PCDHGB4: variants seen among roughly 807,000 people sequenced by gnomAD.
PCDHGB4 encodes protocadherin gamma-B4.
PCDHGB4 carries 38 observed loss-of-function variants against 60.5 expected under a neutral mutation model. That is an observed-to-expected ratio of 0.63 (90% CI 0.48 to 0.82). PCDHGB4 has a LOEUF of 0.82. Among genes scored for constraint, PCDHGB4 ranks in the 40% least tolerant of loss-of-function variants. The pLI is 0.00. For synonymous variants in PCDHGB4, 456 were observed against 509.7 expected, an observed-to-expected ratio of 0.89 and a Z score of 1.42; for missense variants, 1,109 against 1,209.6, an observed-to-expected ratio of 0.92 and a Z score of 1.23.
intron 1 of PCDHGB4, among the ~76,000 whole-genome samples, chr5:141,397,112 A>G (rs2093474994): frequency 6.6e-6 from 1 of 152,258 alleles, no homozygotes; most frequent in African/African-American, 2.4e-5. Flanking sequence ...GCAATCCACT[A>G]GAATATCCCT....
chr5:141,392,931 G>A (rs2092632355), intron 1 of PCDHGB4: 2 of 1,613,802 alleles, frequency 1.2e-6, no homozygotes, highest in Admixed American at 1.7e-5. Context: ...AGAAGAGACG[G>A]ACAAAGGCTC....
intron 1 of PCDHGB4, chr5:141,400,255 C>A (rs2093990770): frequency 4.3e-6 from 7 of 1,613,928 alleles, no homozygotes; most frequent in Non-Finnish European, 1.7e-6. Context: ...CGTTGCCTTG[C>A]GCCTGCGACG....
Position 141,418,471 on chromosome 5 carries a change from G to T in PCDHGB4, c.2397+28190G>T, listed in dbSNP as rs199547102. 57 of 1,614,002 alleles carry T rather than the reference G, an allele frequency of 3.5e-5. No homozygotes were observed. In the African/African-American group the frequency reaches 5.7e-4, roughly 16 times the overall value. ...TGCAGAAGACTCTGGACCGAGAAACGCAGAGCGCTCACCACTTGGTACTGA... is the reference window on the plus strand; with the variant it reads ...TGCAGAAGACTCTGGACCGAGAAACTCAGAGCGCTCACCACTTGGTACTGA... On this transcript the variant is annotated intron_variant, in intron 1 of 3. Coordinates refer to ENST00000519479, the MANE Select transcript of PCDHGB4 (RefSeq NM_003736.4).
Position 141,476,511 on chromosome 5 carries a change from A to G in PCDHGB4, c.2398-18296A>G, listed in dbSNP as rs1562054650. Reference sequence around the variant, plus strand: ...GTGATCCAGGACATCAACGACAACAATCCTGCTTTCCCTACCCAGGAAATG... The same window carrying G: ...GTGATCCAGGACATCAACGACAACAGTCCTGCTTTCCCTACCCAGGAAATG... On this transcript the variant is annotated intron_variant, in intron 1 of 3. Transcript: ENST00000519479. The surrounding 1 kb of genome is among the most constrained non-coding windows in gnomAD (Gnocchi z 7.6). The G allele has an allele frequency of 5.0e-6, 8 of 1,613,902 alleles. No individual in the cohort carries two copies. The highest frequency in any genetic ancestry group is 6.8e-6 in the Non-Finnish European group (8 of 1,179,960).
At chr5:141,437,312 G>T (rs2097875410) in intron 1 of PCDHGB4, among the ~76,000 whole-genome samples, 1 of 152,176 alleles carries the variant, frequency 6.6e-6, no homozygotes, top group South Asian at 2.1e-4. Context: ...AAAGCGTTCA[G>T]CTATAATTTA....
In PCDHGB4 at chr5:141,486,675, A is replaced by T; in HGVS notation, c.2398-8132A>T. On this transcript the variant is annotated intron_variant, in intron 1 of 3. Coordinates refer to ENST00000519479, the MANE Select transcript of PCDHGB4 (RefSeq NM_003736.4). The surrounding 1 kb of genome is among the most constrained non-coding windows in gnomAD (Gnocchi z 5.0). ...TCACTCCTGGAGCCCAGGAATCGAGATGTATCAGCTTCCTCTTTCATCTCT... is the reference window on the plus strand; with the variant it reads ...TCACTCCTGGAGCCCAGGAATCGAGTTGTATCAGCTTCCTCTTTCATCTCT... The T allele has an allele frequency of 6.2e-7, 1 of 1,614,056 alleles. No individual in the cohort carries two copies. The highest frequency in any genetic ancestry group is 8.5e-7 in the Non-Finnish European group (1 of 1,180,016).
rs73280920 is a variant in PCDHGB4 at position 141,453,809 on chromosome 5, A to G, written c.2398-40998A>G. Among the ~76,000 whole-genome samples, 1,254 of 152,338 alleles carry G rather than the reference A, an allele frequency of 8.2e-3. 17 individuals carry two copies. Among genetic ancestry groups the G allele is most frequent in the African/African-American group, 0.029 (1,191 of 41,572 alleles). On this transcript the variant is annotated intron_variant, in intron 1 of 3. Coordinates refer to ENST00000519479, the MANE Select transcript of PCDHGB4 (RefSeq NM_003736.4). ...GTATATTAACTTTGAGTAGTTCCATAAAGGACAAACTTGGCTGCTAGCCCT... is the reference window on the plus strand; with the variant it reads ...GTATATTAACTTTGAGTAGTTCCATGAAGGACAAACTTGGCTGCTAGCCCT...
rs754268147 is a variant in PCDHGB4, at chr5:141,410,352, G to C, written c.2397+20071G>C. ...CTGGCCATTGCCTTGCGCCTGCGAC[G>C]CTCTCTCAGCCCTGCTACTTGGGAC... On this transcript the variant is annotated intron_variant, in intron 1 of 3. Coordinates refer to ENST00000519479, the MANE Select transcript of PCDHGB4 (RefSeq NM_003736.4). The C allele has an allele frequency of 6.2e-6, 10 of 1,614,022 alleles. No homozygotes were observed. In the South Asian group the frequency reaches 1.1e-4, roughly 18 times the overall value.
chr5:141,414,686 C>G, intron 1 of PCDHGB4: 4 of 1,614,042 alleles, frequency 2.5e-6, no homozygotes, highest in Non-Finnish European at 3.4e-6. Flanking sequence ...CAGGGGGTAC[C>G]TCTGTCCTCA....
At chr5:141,488,146 A>G (rs1458115635) in intron 1 of PCDHGB4, among the ~76,000 whole-genome samples, 2 of 152,164 alleles carry the variant, frequency 1.3e-5, no homozygotes, top group South Asian at 4.1e-4. Context: ...AACTAAAGGA[A>G]TAGAGAGGCA....
At chr5:141,413,870 T>A (rs2095687151) in intron 1 of PCDHGB4, 1 of 1,613,268 alleles carries the variant, frequency 6.2e-7, no homozygotes, top group Admixed American at 1.7e-5. Context: ...ACTGTCCTTG[T>A]CAGTGTGACT....
Position 141,490,754 on chromosome 5 carries a change from CCTT to C in PCDHGB4, c.2398-4052_2398-4050del, listed in dbSNP as rs775582875. ...CAGGTTCAGGGAGCCCCAGCCTCCT[CCTT>C]TGTGTATGTCAACCCAGAGGATGGA... On this transcript the variant is annotated intron_variant, in intron 1 of 3. Transcript: ENST00000519479. The surrounding 1 kb of genome is among the most constrained non-coding windows in gnomAD (Gnocchi z 5.4). 3.1e-6 allele frequency: 5 copies of C among 1,614,200 alleles called. No individual in the cohort carries two copies. The highest frequency in any genetic ancestry group is 3.4e-6 in the Non-Finnish European group (4 of 1,180,038).
intron 1 of PCDHGB4, chr5:141,418,830 G>A (rs371820904): frequency 1.2e-6 from 2 of 1,613,976 alleles, no homozygotes; most frequent in Non-Finnish European, 1.7e-6. Flanking sequence ...GCAAAAGACC[G>A]AGGATCTCTC....
intron 2 of PCDHGB4, among the ~76,000 whole-genome samples, chr5:141,500,184 TTTTATTTA>T (rs58019021): frequency 0.099 from 13,469 of 135,812 alleles, 757 homozygotes; most frequent in African/African-American, 0.15. Context: ...TCATTTTTAT[TTTTATTTA>T]TTTATTTATT....
At position 141,505,629 on chromosome 5, in the gene PCDHGB4, C is replaced by T. The variant is rs1475582931; in HGVS notation, c.2545+148C>T. 7.4e-6 allele frequency: 11 copies of T among 1,482,192 alleles called. No individual in the cohort carries two copies. The African/African-American group carries it at 9.8e-5, about 13-fold the overall frequency. The allele number at this position is 1,482,192 out of a possible 1,614,324, so 91.8% of individuals were successfully genotyped here. ...GTCTGAAAGGACCCACAATTCCAAACATAAAGCCTGGAATTGTGGCTAAGG... is the reference window on the plus strand; with the variant it reads ...GTCTGAAAGGACCCACAATTCCAAATATAAAGCCTGGAATTGTGGCTAAGG... On this transcript the variant is annotated intron_variant, in intron 3 of 3. Coordinates refer to ENST00000519479, the MANE Select transcript of PCDHGB4 (RefSeq NM_003736.4).
chr5:141,410,287 C>T (rs1277233674), intron 1 of PCDHGB4: 1 of 1,614,018 alleles, frequency 6.2e-7, no homozygotes, highest in East Asian at 2.2e-5. Context: ...TGGTGGTGGC[C>T]TTGGCCTTAA....
chr5:141,435,979 C>T (rs1036607924), intron 1 of PCDHGB4, among the ~76,000 whole-genome samples: 4 of 152,008 alleles, frequency 2.6e-5, no homozygotes, highest in Non-Finnish European at 5.9e-5. Flanking sequence ...TGTGGTTCTA[C>T]TTGTGTGATT....
chr5:141,503,440 C>A (rs1185892958), intron 2 of PCDHGB4, among the ~76,000 whole-genome samples: 2 of 151,694 alleles, frequency 1.3e-5, no homozygotes, highest in African/African-American at 4.8e-5. Context: ...ACTAAAAATA[C>A]AAAAATTCGC....
chr5:141,448,818 G>A (rs2098609016), intron 1 of PCDHGB4, among the ~76,000 whole-genome samples: 1 of 151,984 alleles, frequency 6.6e-6, no homozygotes, highest in Admixed American at 6.6e-5. Context: ...GATGGCGGGC[G>A]CCTGTAGTCC....
Sources: gnomAD v4.1 joint callset for allele counts (sites outside exome capture counted in the v4.1 genomes callset) on GRCh38, gnomAD v4.1.1 for gene constraint, Gnocchi (gnomAD v3.1) non-coding constraint, MANE v1.5 for transcripts, NCBI Gene and HGNC (gene_info 2026-07-23, HGNC 2026-07-21) for gene names.